The following SLC4A10 variants were observed in gnomAD, a reference collection of about 807,000 sequenced individuals.
SLC4A10 encodes the protein sodium-driven chloride bicarbonate exchanger.
Under a neutral mutation model 137.7 loss-of-function variants are expected in SLC4A10, and 42 were observed. That is an observed-to-expected ratio of 0.30 (90% CI 0.24 to 0.39). The LOEUF (loss-of-function observed/expected upper bound fraction) is 0.39. SLC4A10 is among the 10% of genes least tolerant of loss of function. The pLI is 1.00. For missense variants in SLC4A10, 925 were observed against 1,355.0 expected (o/e 0.68, Z 4.98); for synonymous variants, 474 against 464.1 (o/e 1.02, Z -0.27).
At chr2:161,666,180 G>A (rs2039027632) in intron 1 of SLC4A10, among the ~76,000 whole-genome samples, 1 of 151,406 alleles carries the variant, frequency 6.6e-6, no homozygotes, top group African/African-American at 2.4e-5. Flanking sequence ...AGCTGTATTA[G>A]TCAAACAGTA....
chr2:161,628,299 A>T (rs2032843075), intron 1 of SLC4A10, among the ~76,000 whole-genome samples: 1 of 152,022 alleles, frequency 6.6e-6, no homozygotes, highest in Non-Finnish European at 1.5e-5. Context: ...CCCTTCTAAG[A>T]TTCTGATGTC....
intron 1 of SLC4A10, among the ~76,000 whole-genome samples, chr2:161,746,397 G>A (rs886350593): frequency 1.3e-5 from 2 of 151,878 alleles, no homozygotes; most frequent in Admixed American, 6.6e-5. Flanking sequence ...ACTACTGCAC[G>A]ACTACTGCTG....
intron 10 of SLC4A10, among the ~76,000 whole-genome samples, chr2:161,892,640 A>G (rs1033459350): frequency 2.6e-5 from 4 of 152,096 alleles, no homozygotes; most frequent in Admixed American, 6.6e-5. Context: ...AAAATAGAAT[A>G]TTTGAAAGCA....
intron 1 of SLC4A10, among the ~76,000 whole-genome samples, chr2:161,648,161 A>G (rs191468920): frequency 1.6e-4 from 25 of 151,972 alleles, no homozygotes; most frequent in Admixed American, 1.2e-3. Flanking sequence ...GGCAAAACCA[A>G]CACTAGAACT....
intron 1 of SLC4A10, among the ~76,000 whole-genome samples, chr2:161,677,010 G>T (rs2040341780): frequency 6.6e-6 from 1 of 152,020 alleles, no homozygotes; most frequent in Non-Finnish European, 1.5e-5. Context: ...GGTTTGTTTG[G>T]CCCTGTCAAG....
chr2:161,806,310 C>T (rs1168648467), intron 3 of SLC4A10, among the ~76,000 whole-genome samples: 1 of 152,090 alleles, frequency 6.6e-6, no homozygotes, highest in Non-Finnish European at 1.5e-5. Context: ...GCCCTGGAGA[C>T]ATTTTCCCCA....
chr2:161,802,552 T>G (rs1384356742), intron 2 of SLC4A10, among the ~76,000 whole-genome samples: 1 of 152,142 alleles, frequency 6.6e-6, no homozygotes, highest in African/African-American at 2.4e-5. Context: ...TTACATGTCT[T>G]CTGAAACTCA....
intron 19 of SLC4A10, among the ~76,000 whole-genome samples, chr2:161,951,528 T>A (rs1043647514): frequency 6.6e-6 from 1 of 152,196 alleles, no homozygotes; most frequent in African/African-American, 2.4e-5. Context: ...ATATGTTAAA[T>A]AAAATCGATG....
chr2:161,786,232 A>G (rs2053609922), intron 2 of SLC4A10, among the ~76,000 whole-genome samples: 1 of 151,616 alleles, frequency 6.6e-6, no homozygotes, highest in African/African-American at 2.4e-5. Context: ...TTCTGATGTA[A>G]GAATAGCAAC....
chr2:161,805,838 G>T (rs1218878949), intron 3 of SLC4A10, among the ~76,000 whole-genome samples: 1 of 152,182 alleles, frequency 6.6e-6, no homozygotes, highest in African/African-American at 2.4e-5. Flanking sequence ...CCATTCTGCA[G>T]TCAGGAGGAC....
At chr2:161,805,865 C>G (rs1321894124) in intron 3 of SLC4A10, among the ~76,000 whole-genome samples, 1 of 152,194 alleles carries the variant, frequency 6.6e-6, no homozygotes, top group African/African-American at 2.4e-5. Context: ...CCTTTTCTCA[C>G]AGCTCCACTA....
chr2:161,787,599 A>G (rs1474386336), intron 2 of SLC4A10, among the ~76,000 whole-genome samples: 1 of 152,026 alleles, frequency 6.6e-6, no homozygotes, highest in Non-Finnish European at 1.5e-5. Context: ...TCTTTCTCAA[A>G]TATTTTGTTT....
At chr2:161,686,195 A>G (rs1404735752) in intron 1 of SLC4A10, among the ~76,000 whole-genome samples, 1 of 152,224 alleles carries the variant, frequency 6.6e-6, no homozygotes, top group African/African-American at 2.4e-5. Context: ...TAGTATATAA[A>G]CCACTTTTAT....
chr2:161,706,184 C>A (rs1229641806), intron 1 of SLC4A10, among the ~76,000 whole-genome samples: 1 of 151,212 alleles, frequency 6.6e-6, no homozygotes, highest in Non-Finnish European at 1.5e-5. Context: ...TTGCAAAGAT[C>A]AATTGTGCTT....
chr2:161,789,544 A>G (rs1357932138), intron 2 of SLC4A10, among the ~76,000 whole-genome samples: 1 of 152,142 alleles, frequency 6.6e-6, no homozygotes, highest in East Asian at 1.9e-4. Flanking sequence ...CATTAAAGTT[A>G]TAAAAATAAA....
intron 1 of SLC4A10, among the ~76,000 whole-genome samples, chr2:161,681,264 C>T (rs1482553773): frequency 6.6e-6 from 1 of 152,104 alleles, no homozygotes; most frequent in Non-Finnish European, 1.5e-5. Context: ...GCCACCATTT[C>T]GCATCAGCCA....
Position 161,702,631 on chromosome 2 carries a change from C to G in SLC4A10, c.49-68342C>G, listed in dbSNP as rs79392261. Among the ~76,000 whole-genome samples the G allele has an allele frequency of 7.4e-3, 1,123 of 151,894 alleles. 10 individuals are homozygous for G. The highest frequency in any genetic ancestry group is 0.01 in the East Asian group (54 of 5,182). ...CTTTCTGTTTCAATGAGTAAAATAG[C>G]TTGCTCTGGGAAAATGACTCCCTCT... is the stretch of plus-strand genomic sequence containing the variant. On this transcript the variant is annotated intron_variant, in intron 1 of 26. Transcript: ENST00000446997.
Position 161,905,906 on chromosome 2 carries a change from G to T in SLC4A10, c.1997+19G>T. The T allele has an allele frequency of 6.4e-7, 1 of 1,572,938 alleles. No homozygotes were observed. The highest frequency in any genetic ancestry group is 1.4e-5 in the African/African-American group (1 of 73,560). On this transcript the variant is annotated intron_variant, in intron 15 of 26. Coordinates refer to ENST00000446997, the MANE Select transcript of SLC4A10 (RefSeq NM_001178015.2). Reference sequence around the variant, plus strand: ...AATACTCGTAAGTACCATTTCCCCTGCTGGCCTTGGGGCTTTTCTTTTGAC... The same window carrying T: ...AATACTCGTAAGTACCATTTCCCCTTCTGGCCTTGGGGCTTTTCTTTTGAC...
At chr2:161,981,489 T>G (rs1700210999) in intron 26 of SLC4A10, among the ~76,000 whole-genome samples, 1 of 152,218 alleles carries the variant, frequency 6.6e-6, no homozygotes, top group Admixed American at 6.5e-5. Context: ...TCCAAGGTCA[T>G]GCAGCTCATT....
Sources: allele counts gnomAD v4.1 joint callset (sites outside exome capture counted in the v4.1 genomes callset), GRCh38; gene constraint gnomAD v4.1.1; transcripts MANE v1.5; gene names NCBI Gene and HGNC (gene_info 2026-07-23, HGNC 2026-07-21).